The following SARDH variants were observed in gnomAD, a reference collection of about 807,000 sequenced individuals.
SARDH encodes the protein sarcosine dehydrogenase.
A neutral mutation model predicts 109.1 loss-of-function variants in SARDH; 95 were observed. The observed-to-expected ratio is 0.87, with a 90% confidence interval of 0.74 to 1.03. The LOEUF (loss-of-function observed/expected upper bound fraction) is 1.03, where lower values mean the gene tolerates loss of function less well. Ranked by LOEUF, SARDH falls within the 50% of genes least tolerant of loss-of-function variation. The pLI, the probability that SARDH is intolerant of heterozygous loss-of-function variation, is 0.00. For synonymous variants in SARDH, 572 were observed against 534.8 expected, an observed-to-expected ratio of 1.07 and a Z score of -0.96; for missense variants, 1,267 against 1,287.8, an observed-to-expected ratio of 0.98 and a Z score of 0.25.
At chr9:133,675,107 A>T (rs998625363) in intron 17 of SARDH, among the ~76,000 whole-genome samples, 1 of 152,076 alleles carries the variant, frequency 6.6e-6, no homozygotes, top group Non-Finnish European at 1.5e-5. Flanking sequence ...ACTTTGGGAG[A>T]CCAAGGTGGG....
intron 12 of SARDH, chr9:133,703,798 G>A (rs1438850894): frequency 6.6e-6 from 1 of 152,366 alleles, no homozygotes; most frequent in African/African-American, 2.4e-5. Flanking sequence ...GTGGGAGCCA[G>A]TGTGAGGTTG....
In SARDH at chr9:133,704,452, G is replaced by A. The variant is rs753973715; in HGVS notation, c.1554+496C>T. 5.9e-5 allele frequency among the ~76,000 whole-genome samples: 9 copies of A among 152,156 alleles called. No individual in the cohort carries two copies. The highest frequency in any genetic ancestry group is 1.0e-4 in the Non-Finnish European group (7 of 68,024). ...GGACCCAGGTCCCTGGGAGTCCCCAGAGGACGCCCAGAGTCCAGGCCACTG... is the reference window on the plus strand; with the variant it reads ...GGACCCAGGTCCCTGGGAGTCCCCAAAGGACGCCCAGAGTCCAGGCCACTG... On this transcript the variant is annotated intron_variant, in intron 12 of 20. Coordinates refer to ENST00000439388, the MANE Select transcript of SARDH (RefSeq NM_001134707.2). This position sits in a 1 kb window ranked among gnomAD's most constrained non-coding sequence, Gnocchi z 4.5.
chr9:133,671,358 G>A lies in SARDH; in HGVS notation c.2326+177C>T, dbSNP rs560301990. ...AAGACCCTGGGCAGCAAGAGGTTTT[G>A]GGGAAATGGAGGATGTCAGGCGCTG... is the stretch of plus-strand genomic sequence containing the variant. On this transcript the variant is annotated intron_variant, in intron 18 of 20. Transcript: ENST00000439388. Among the ~76,000 whole-genome samples the A allele has an allele frequency of 6.6e-5, 10 of 152,210 alleles. No homozygotes were observed. In the South Asian group the frequency reaches 1.9e-3, roughly 28 times the overall value.
intron 20 of SARDH, 63 bp from the exon 21 acceptor site, chr9:133,664,077 T>C: frequency 6.3e-7 from 1 of 1,576,416 alleles, no homozygotes; most frequent in Non-Finnish European, 8.6e-7. Flanking sequence ...CACGTCTGCC[T>C]GCTTCTCTGG....
At position 133,686,074 on chromosome 9, in the gene SARDH, G is replaced by C. The variant is rs1479770501; in HGVS notation, c.2070-788C>G. Among the ~76,000 whole-genome samples the C allele has an allele frequency of 1.3e-5, 2 of 152,176 alleles. No individual in the cohort carries two copies. The highest frequency in any genetic ancestry group is 2.4e-5 in the African/African-American group (1 of 41,436). On this transcript the variant is annotated intron_variant, in intron 16 of 20. Coordinates refer to ENST00000439388, the MANE Select transcript of SARDH (RefSeq NM_001134707.2). This position sits in a 1 kb window ranked among gnomAD's most constrained non-coding sequence, Gnocchi z 4.0. ...CAGGGCTGCACCTGAGTGCCACAGT[G>C]CTATGAGGGCCCGGGAATGTTCCTG...
At chr9:133,684,427 C>T (rs1048328884) in intron 17 of SARDH, among the ~76,000 whole-genome samples, 1 of 152,230 alleles carries the variant, frequency 6.6e-6, no homozygotes, top group South Asian at 2.1e-4. Flanking sequence ...AGGAAGCCCT[C>T]GGCAAACAGG....
rs561066803 is a variant in SARDH at position 133,683,645 on chromosome 9, C to T, written c.2163+1548G>A. ...GGCCCTGCTTCCTGCCCCTGTGCAG[C>T]CTCTGGAGAGGGGAGGTGAGAGCAG... On this transcript the variant is annotated intron_variant, in intron 17 of 20. Transcript: ENST00000439388. 1.9e-3 allele frequency among the ~76,000 whole-genome samples: 288 copies of T among 152,308 alleles called. 1 individual carries two copies. The highest frequency in any genetic ancestry group is 6.7e-3 in the African/African-American group (278 of 41,562).
In SARDH at chr9:133,670,714, T is replaced by C. The variant is rs143410543; in HGVS notation, c.2365A>G (p.Ser789Gly). ...AAGGCCAGGCCTGCCTCCAGGGGGC[T>C]GTCGTCTGGCCGCAGGTCCGCGTGC... is the stretch of plus-strand genomic sequence containing the variant. ...HWHADLRPDD[S>G]PLEAGLAFTC... Residue 789 changes from serine to glycine, a missense_variant, in exon 19 of 21, where the codon AGC (serine) becomes GGC (glycine). Transcript: ENST00000439388. The C allele has an allele frequency of 1.2e-5, 19 of 1,601,518 alleles. No homozygotes were observed. The African/African-American group carries it at 2.4e-4, about 20-fold the overall frequency.
At chr9:133,699,019 T>C (rs1831386179) in intron 13 of SARDH, among the ~76,000 whole-genome samples, 1 of 152,184 alleles carries the variant, frequency 6.6e-6, no homozygotes, top group Non-Finnish European at 1.5e-5. Context: ...GATAAGAGAC[T>C]TGTAACTAAA....
At chr9:133,714,600 G>A (rs1301945848) in intron 8 of SARDH, among the ~76,000 whole-genome samples, 3 of 152,278 alleles carry the variant, frequency 2.0e-5, no homozygotes, top group South Asian at 2.1e-4. Context: ...GCAACATAGC[G>A]AGACGGCATC....
chr9:133,713,995 C>G (rs11999718), intron 8 of SARDH, among the ~76,000 whole-genome samples: 2,151 of 152,316 alleles, frequency 0.014, 59 homozygotes, highest in African/African-American at 0.05. Flanking sequence ...AACAGACGGT[C>G]TCGTAAAGAA....
chr9:133,709,301 C>A lies in SARDH; in HGVS notation c.1329-873G>T, dbSNP rs1456350134. Among the ~76,000 whole-genome samples, 4 of 152,160 alleles carry A rather than the reference C, an allele frequency of 2.6e-5. No individual in the cohort carries two copies. The highest frequency in any genetic ancestry group is 9.7e-5 in the African/African-American group (4 of 41,438). On this transcript the variant is annotated intron_variant, in intron 10 of 20. Coordinates refer to ENST00000439388, the MANE Select transcript of SARDH (RefSeq NM_001134707.2). The surrounding 1 kb of genome is among the most constrained non-coding windows in gnomAD (Gnocchi z 4.2). ...CCTGAGTGGGCAGAGCAATCAGTGCCCCGCGGCTTGTTCCCTGGTCTCCTC... is the reference window on the plus strand; with the variant it reads ...CCTGAGTGGGCAGAGCAATCAGTGCACCGCGGCTTGTTCCCTGGTCTCCTC...
chr9:133,717,528 T>G (rs1264071326), intron 7 of SARDH, 73 bp from the exon 8 acceptor site: 1 of 1,583,668 alleles, frequency 6.3e-7, no homozygotes, highest in East Asian at 2.3e-5. Flanking sequence ...AAACCTGCCT[T>G]GTGATGGCTG....
Position 133,693,979 on chromosome 9 carries a change from G to A in SARDH, c.1921+279C>T, listed in dbSNP as rs889154793. Among the ~76,000 whole-genome samples the A allele has an allele frequency of 1.3e-5, 2 of 152,212 alleles. No homozygotes were observed. Among genetic ancestry groups the A allele is most frequent in the African/African-American group, 4.8e-5 (2 of 41,458 alleles). Reference sequence around the variant, plus strand: ...ACGCTTTGTTCCGGGAAACCGAGCCGAGCACGCCCACACTGCAGCCACTCC... The same window carrying A: ...ACGCTTTGTTCCGGGAAACCGAGCCAAGCACGCCCACACTGCAGCCACTCC... On this transcript the variant is annotated intron_variant, in intron 15 of 20. Coordinates refer to ENST00000439388, the MANE Select transcript of SARDH (RefSeq NM_001134707.2). The surrounding 1 kb of genome is among the most constrained non-coding windows in gnomAD (Gnocchi z 5.6).
Position 133,733,913 on chromosome 9 carries a change from C to G in SARDH, c.261G>C (p.Lys87Asn). Residue 87 changes from lysine to asparagine, a missense_variant, in exon 2 of 21, where the codon AAG (lysine) becomes AAC (asparagine). By Grantham distance (94) the Lys-to-Asn change is moderately conservative. Transcript: ENST00000439388. ...GCAGCACCGCCCCACTCATGCCCAG[C>G]TTGGCCAGGTGGTACAGGGTCTGGC... ...LGCQTLYHLA[K>N]LGMSGAVLLE... The G allele has an allele frequency of 1.9e-6, 3 of 1,559,278 alleles. No homozygotes were observed. Among genetic ancestry groups the G allele is most frequent in the Non-Finnish European group, 2.6e-6 (3 of 1,151,946 alleles).
At chr9:133,717,697 A>G (rs1333003802) in intron 7 of SARDH, among the ~76,000 whole-genome samples, 1 of 101,686 alleles carries the variant, frequency 9.8e-6, no homozygotes, top group African/African-American at 3.9e-5. Context: ...AGATCCCACC[A>G]TGCCCCTTCC....
rs1410593195 is a variant in SARDH, at chr9:133,701,730, G to A, written c.1668+1186C>T. Among the ~76,000 whole-genome samples the A allele has an allele frequency of 5.3e-5, 8 of 152,286 alleles. No homozygotes were observed. The East Asian group carries it at 1.5e-3, about 29-fold the overall frequency. The stretch of plus-strand genomic sequence containing the variant: ...CGGCCCTGCTGCTGCGGCGCTTCAT[G>A]ACACACACGCCTCCTCCTTCCTGCA... On this transcript the variant is annotated intron_variant, in intron 13 of 20. Coordinates refer to ENST00000439388, the MANE Select transcript of SARDH (RefSeq NM_001134707.2).
chr9:133,660,085 T>C (rs3025435), downstream of SARDH, among the ~76,000 whole-genome samples: 1,272 of 121,360 alleles, frequency 0.01, 10 homozygotes, highest in Non-Finnish European at 0.016. Context: ...CTCACACTCT[T>C]GCTCTCAGGC....
intron 17 of SARDH, among the ~76,000 whole-genome samples, chr9:133,683,982 C>G (rs1310334202): frequency 6.6e-6 from 1 of 152,234 alleles, no homozygotes; most frequent in Non-Finnish European, 1.5e-5. Flanking sequence ...CCTGAGCAGC[C>G]TGGCCCATCC....
Sources: allele counts gnomAD v4.1 joint callset (sites outside exome capture counted in the v4.1 genomes callset), GRCh38; gene constraint gnomAD v4.1.1; non-coding constraint Gnocchi (gnomAD v3.1); transcripts MANE v1.5; gene names NCBI Gene and HGNC (gene_info 2026-07-23, HGNC 2026-07-21).